Variants in ATXN2 observed in about 807,000 individuals in gnomAD.
ATXN2 encodes ataxin 2, also known as ataxin-2.
In ATXN2, 37 loss-of-function variants were observed where a neutral mutation model predicts 138.6. The ratio of observed to expected loss-of-function variants is 0.27; its 90% CI spans 0.21 to 0.35. The LOEUF is 0.35. Among genes scored for constraint, ATXN2 ranks in the 10% least tolerant of loss-of-function variants. The pLI is 1.00. For synonymous variants in ATXN2, 549 were observed against 543.7 expected (o/e 1.01, Z -0.13); for missense variants, 1,216 against 1,480.3 (o/e 0.82, Z 2.93).
chr12:111,533,601 T>G lies in ATXN2; in HGVS notation c.572-8285A>C, dbSNP rs543746758. Among the ~76,000 whole-genome samples the G allele has an allele frequency of 2.6e-4, 40 of 152,214 alleles. 1 individual carries two copies. In the South Asian group the frequency reaches 8.3e-3, roughly 32 times the overall value. On this transcript the variant is annotated intron_variant, in intron 5 of 24. Transcript: ENST00000673436. Reference sequence around the variant, plus strand: ...AGTGCAGTGACACAATCTCAGCTCATGGAAACCTCTACTTCTCAGGTTCAA... The same window carrying G: ...AGTGCAGTGACACAATCTCAGCTCAGGGAAACCTCTACTTCTCAGGTTCAA...
rs2135863232 is a variant in ATXN2 at position 111,598,956 on chromosome 12, GCTGCTGCTGCTGCTGCTGCTGTTGCT to G, written c.53_78del (p.Gln18ProfsTer63). On this transcript the variant is annotated frameshift_variant, in exon 1 of 25. Transcript: ENST00000673436. LOFTEE classifies it high-confidence loss of function. This position sits in a 1 kb window ranked among gnomAD's most constrained non-coding sequence, Gnocchi z 4.5. ...TTGGCAGCCGCGGGCGGCGGCTGCT[GCTGCTGCTGCTGCTGCTGCTGTTGCT>G]GCTGCTGCTGCTGCTGCTGCTGCTG... The G allele has an allele frequency of 3.4e-6, 5 of 1,479,420 alleles. No individual in the cohort carries two copies. The East Asian group carries it at 1.4e-4, about 41-fold the overall frequency. 91.6% of individuals were successfully genotyped at this position (1,479,420 alleles called of 1,614,324 possible).
intron 11 of ATXN2, chr12:111,513,065 A>T: frequency 3.0e-6 from 1 of 331,642 alleles, no homozygotes; most frequent in Admixed American, 5.2e-5. Flanking sequence ...ATCTGTATTT[A>T]TGAACCTTAT....
intron 5 of ATXN2, among the ~76,000 whole-genome samples, chr12:111,533,892 G>A (rs890669084): frequency 2.0e-5 from 3 of 151,990 alleles, no homozygotes; most frequent in East Asian, 3.9e-4. Context: ...GGATAGAGAG[G>A]GCTGACTGTA....
chr12:111,523,998 A>G (rs562499390), intron 6 of ATXN2, among the ~76,000 whole-genome samples: 1 of 152,334 alleles, frequency 6.6e-6, no homozygotes, highest in East Asian at 1.9e-4. Flanking sequence ...CTGCTGGAAC[A>G]AAGTGTATGT....
intron 1 of ATXN2, among the ~76,000 whole-genome samples, chr12:111,569,998 G>C (rs1235598646): frequency 6.6e-6 from 1 of 152,172 alleles, no homozygotes; most frequent in African/African-American, 2.4e-5. Flanking sequence ...CTAAGCACTT[G>C]AAATACGATT....
At chr12:111,488,438 T>C (rs747683735) in intron 15 of ATXN2, 38 bp downstream of exon 15, 11 of 1,557,178 alleles carry the variant, frequency 7.1e-6, no homozygotes, top group Admixed American at 2.1e-5. Context: ...AAAAAGTTAA[T>C]TGAGTAACAG....
At chr12:111,533,212 T>C (rs987606930) in intron 5 of ATXN2, among the ~76,000 whole-genome samples, 2 of 152,196 alleles carry the variant, frequency 1.3e-5, no homozygotes, top group African/African-American at 4.8e-5. Context: ...TAAAGAATAG[T>C]GTTCTCCAAA....
intron 11 of ATXN2, chr12:111,512,767 C>A (rs1879617408): frequency 6.6e-6 from 1 of 152,280 alleles, no homozygotes; most frequent in Admixed American, 6.5e-5. Flanking sequence ...AATTTTTATA[C>A]TTTTATAGCT....
At chr12:111,508,574 G>C (rs947967121) in intron 14 of ATXN2, among the ~76,000 whole-genome samples, 8 of 148,704 alleles carry the variant, frequency 5.4e-5, no homozygotes, top group Non-Finnish European at 1.2e-4. Context: ...AGCCTGCCAA[G>C]TAGCTGGGAT....
At chr12:111,577,809 T>C (rs1041000671) in intron 1 of ATXN2, among the ~76,000 whole-genome samples, 1 of 152,044 alleles carries the variant, frequency 6.6e-6, no homozygotes, top group Non-Finnish European at 1.5e-5. Context: ...CGGCTAGGCA[T>C]GATGGCGTGC....
rs144897036 is a variant in ATXN2 at position 111,513,909 on chromosome 12, C to A, written c.1376-370G>T. 3.5e-3 allele frequency among the ~76,000 whole-genome samples: 535 copies of A among 152,032 alleles called. 1 individual carries two copies. The highest frequency in any genetic ancestry group is 0.012 in the African/African-American group (513 of 41,488). ...AGAAATATGTTACTAGAAATTATGA[C>A]TACATGATAAAATATTTTTAACTTT... On this transcript the variant is annotated intron_variant, in intron 10 of 24. Coordinates refer to ENST00000673436, the MANE Select transcript of ATXN2 (RefSeq NM_001372574.1).
At chr12:111,523,889 CCTGT>C (rs1880332022) in intron 6 of ATXN2, among the ~76,000 whole-genome samples, 1 of 151,694 alleles carries the variant, frequency 6.6e-6, no homozygotes, top group Non-Finnish European at 1.5e-5. Context: ...ATGGTAAAAC[CCTGT>C]CTCTGCAGAA....
chr12:111,488,420 T>TA (rs370840378), intron 15 of ATXN2, 56 bp downstream of exon 15: 66,314 of 890,280 alleles, frequency 0.074, 1 homozygote, highest in Non-Finnish European at 0.082. Context: ...TAAATGCCTT[T>TA]AAAAAAAAAA....
At chr12:111,497,739 G>A (rs1016096479) in intron 14 of ATXN2, among the ~76,000 whole-genome samples, 5 of 151,910 alleles carry the variant, frequency 3.3e-5, no homozygotes, top group African/African-American at 4.8e-5. Flanking sequence ...ACCCTTGGCC[G>A]GGCGTGGTGG....
In ATXN2 at chr12:111,513,462, T is replaced by C; in HGVS notation, c.1453A>G (p.Ser485Gly). ...TTGTGGGATACAAATTCTAGGCCAC[T>C]GGATATGGAACCCCTCCCAGCAGAA... ...RVSAGRGSIS[S>G]GLEFVSHNPP... The change falls in exon 11 of 25, where the codon AGT (serine) becomes GGT (glycine). Residue 485 changes from serine to glycine, a missense_variant. Physicochemically the swap from Ser to Gly is moderately conservative, Grantham distance 56. Coordinates refer to ENST00000673436, the MANE Select transcript of ATXN2 (RefSeq NM_001372574.1). 6.2e-7 allele frequency: 1 copy of C among 1,614,114 alleles called. No homozygotes were observed. Among genetic ancestry groups the C allele is most frequent in the Non-Finnish European group, 8.5e-7 (1 of 1,180,038 alleles).
In ATXN2 at chr12:111,592,782, CAAAAA is replaced by C. The variant is rs71083183; in HGVS notation, c.251+5997_251+6001del. Among the ~76,000 whole-genome samples, 16 of 26,034 alleles carry C rather than the reference CAAAAA, an allele frequency of 6.1e-4. 2 individuals are homozygous for C. Among genetic ancestry groups the C allele is most frequent in the Admixed American group, 2.2e-3 (3 of 1,386 alleles). The allele number at this position is 26,034 out of a possible 152,430, so 17.1% of individuals were successfully genotyped here. ...TGGGCGACAGAGCAAGACTCCGTCT[CAAAAA>C]AAAAAAAAAAAAAAAAAGATAATAG... On this transcript the variant is annotated intron_variant, in intron 1 of 24. Transcript: ENST00000673436.
At chr12:111,496,254 G>A (rs951876399) in intron 14 of ATXN2, among the ~76,000 whole-genome samples, 6 of 150,988 alleles carry the variant, frequency 4.0e-5, no homozygotes, top group South Asian at 4.2e-4. Context: ...ACTAGAGGCC[G>A]GGCACGGTGG....
chr12:111,593,092 GTTTGT>G (rs1884760720), intron 1 of ATXN2, among the ~76,000 whole-genome samples: 1 of 151,472 alleles, frequency 6.6e-6, no homozygotes, highest in African/African-American at 2.4e-5. Flanking sequence ...TTGTTTGTTT[GTTTGT>G]TTTGAGACAG....
chr12:111,496,233 AATAAG>A (rs977515408), intron 14 of ATXN2, among the ~76,000 whole-genome samples: 5 of 152,108 alleles, frequency 3.3e-5, no homozygotes, highest in Non-Finnish European at 7.4e-5. Context: ...CTCTGATCAC[AATAAG>A]ATAACACTAG....
Sources: gnomAD v4.1 joint callset for allele counts (sites outside exome capture counted in the v4.1 genomes callset) on GRCh38, gnomAD v4.1.1 for gene constraint, Gnocchi (gnomAD v3.1) non-coding constraint, MANE v1.5 for transcripts, NCBI Gene and HGNC (gene_info 2026-07-23, HGNC 2026-07-21) for gene names.